Variants in ERC1 observed in about 807,000 individuals in gnomAD.
ERC1 encodes RAB6 interacting protein 2.
In ERC1, 56 loss-of-function variants were observed where a neutral mutation model predicts 132.0. The ratio of observed to expected loss-of-function variants is 0.42; its 90% CI spans 0.34 to 0.53. The LOEUF (loss-of-function observed/expected upper bound fraction) is 0.53. Ranked by LOEUF, ERC1 falls within the 20% of genes least tolerant of loss-of-function variation. The probability of loss-of-function intolerance (pLI) is 0.03; values close to 1 mark genes in which losing one functional copy is unlikely to be tolerated. For synonymous variants in ERC1, 478 were observed against 476.1 expected, an observed-to-expected ratio of 1.00 and a Z score of -0.05; for missense variants, 1,202 against 1,349.9, an observed-to-expected ratio of 0.89 and a Z score of 1.72.
intron 12 of ERC1, among the ~76,000 whole-genome samples, chr12:1,196,976 A>ATT (rs1172269593): frequency 0.011 from 787 of 73,236 alleles, 99 homozygotes; most frequent in Middle Eastern, 0.014. Context: ...ATATATATAT[A>ATT]TTTTTTTTTT....
intron 8 of ERC1, among the ~76,000 whole-genome samples, chr12:1,165,959 C>T (rs1209554139): frequency 6.6e-6 from 1 of 152,156 alleles, no homozygotes; most frequent in East Asian, 1.9e-4. Flanking sequence ...ACCCCTCATC[C>T]TCTGACAACC....
At chr12:1,353,428 G>A (rs1348217714) in intron 15 of ERC1, among the ~76,000 whole-genome samples, 1 of 152,164 alleles carries the variant, frequency 6.6e-6, no homozygotes, top group East Asian at 1.9e-4. Flanking sequence ...GAGCTTAAAG[G>A]AATAGAACTA....
chr12:1,415,950 G>C (rs2092099292), intron 17 of ERC1, among the ~76,000 whole-genome samples: 1 of 152,080 alleles, frequency 6.6e-6, no homozygotes, highest in African/African-American at 2.4e-5. Context: ...TCTCATACAG[G>C]GCTCATAGAC....
intron 3 of ERC1, among the ~76,000 whole-genome samples, chr12:1,100,365 G>A (rs1944528395): frequency 6.6e-6 from 1 of 152,192 alleles, no homozygotes; most frequent in Admixed American, 6.5e-5. Context: ...TTCTAGGTCA[G>A]CATAAGGACT....
intron 2 of ERC1, among the ~76,000 whole-genome samples, chr12:1,067,773 A>C (rs529046890): frequency 1.3e-5 from 2 of 152,320 alleles, no homozygotes; most frequent in South Asian, 4.2e-4. Flanking sequence ...GAAAAGGTAC[A>C]TATGAATCAG....
rs575729784 is a variant in ERC1 at position 1,371,773 on chromosome 12, A to G, written c.2781-60A>G. On this transcript the variant is annotated intron_variant, in intron 15 of 18. Transcript: ENST00000360905. ...TCAAAATGGGGGTACTGGTAATAGT[A>G]ACTCCAAAGAATTGTTGGAAGGGGT... The G allele has an allele frequency of 7.7e-5, 121 of 1,561,340 alleles. No homozygotes were observed. In the South Asian group the frequency reaches 1.4e-3, roughly 18 times the overall value.
chr12:1,405,398 G>A (rs1373656508), intron 16 of ERC1, among the ~76,000 whole-genome samples: 2 of 151,664 alleles, frequency 1.3e-5, no homozygotes, highest in Admixed American at 1.3e-4. Flanking sequence ...AACAGTATGG[G>A]ACTCACTAAA....
At chr12:1,249,889 C>T (rs955692618) in intron 13 of ERC1, among the ~76,000 whole-genome samples, 3 of 152,230 alleles carry the variant, frequency 2.0e-5, no homozygotes, top group African/African-American at 7.2e-5. Context: ...AGGCAGCTCT[C>T]TGCAGCCTCT....
At position 1,338,457 on chromosome 12, in the gene ERC1, G is replaced by A. The variant is rs1053691588; in HGVS notation, c.2781-33376G>A. On this transcript the variant is annotated intron_variant, in intron 15 of 18. Transcript: ENST00000360905. ...CTATATTGTTGTACTGTGATTCTTCGCTTCCTTGATTTTGTTTCAGCATAC... is the reference window on the plus strand; with the variant it reads ...CTATATTGTTGTACTGTGATTCTTCACTTCCTTGATTTTGTTTCAGCATAC... 3.9e-5 allele frequency among the ~76,000 whole-genome samples: 6 copies of A among 151,998 alleles called. 1 individual carries two copies. In the South Asian group the frequency reaches 6.2e-4, roughly 16 times the overall value.
chr12:1,030,973 TTC>T (rs1967920176), intron 2 of ERC1, among the ~76,000 whole-genome samples: 1 of 152,182 alleles, frequency 6.6e-6, no homozygotes, highest in Non-Finnish European at 1.5e-5. Flanking sequence ...GAAATCGCCT[TTC>T]TCAGAACATA....
rs56172045 is a variant in ERC1 at position 1,006,271 on chromosome 12, T to G, written c.-157+14949T>G. Reference sequence around the variant, plus strand: ...TGCACCTGGCCAGTATTATTACTATTTTTTGAGACAGATTTTTCTCGCTCA... The same window carrying G: ...TGCACCTGGCCAGTATTATTACTATGTTTTGAGACAGATTTTTCTCGCTCA... On this transcript the variant is annotated intron_variant, in intron 1 of 18. Transcript: ENST00000360905. Among the ~76,000 whole-genome samples, 1,442 of 152,220 alleles carry G rather than the reference T, an allele frequency of 9.5e-3. 24 individuals are homozygous for G. Among genetic ancestry groups the G allele is most frequent in the African/African-American group, 0.032 (1,317 of 41,542 alleles).
intron 15 of ERC1, among the ~76,000 whole-genome samples, chr12:1,327,344 A>T (rs1037548705): frequency 1.3e-5 from 2 of 152,206 alleles, no homozygotes; most frequent in Non-Finnish European, 2.9e-5. Context: ...CAAAATATAC[A>T]TATATTTACA....
chr12:1,463,486 C>T (rs1220578662), intron 18 of ERC1, among the ~76,000 whole-genome samples: 1 of 152,138 alleles, frequency 6.6e-6, no homozygotes, highest in African/African-American at 2.4e-5. Context: ...TGTTTCTGAT[C>T]TGGTTTTCTT....
intron 12 of ERC1, among the ~76,000 whole-genome samples, chr12:1,194,459 G>A (rs979863165): frequency 6.6e-6 from 1 of 151,966 alleles, no homozygotes; most frequent in Non-Finnish European, 1.5e-5. Context: ...ATTAAATAAA[G>A]TACTTAGAAG....
At chr12:1,200,219 GGAT>G (rs1453580526) in intron 12 of ERC1, among the ~76,000 whole-genome samples, 1 of 152,042 alleles carries the variant, frequency 6.6e-6, no homozygotes, top group African/African-American at 2.4e-5. Context: ...CTAGTTTATA[GGAT>G]GATATTACCA....
chr12:1,485,989 A>G (rs920022790), intron 18 of ERC1, among the ~76,000 whole-genome samples: 1 of 152,210 alleles, frequency 6.6e-6, no homozygotes, highest in Non-Finnish European at 1.5e-5. Flanking sequence ...TACAACCATA[A>G]ATGGGCCTAG....
intron 7 of ERC1, among the ~76,000 whole-genome samples, chr12:1,130,632 C>T (rs200096630): frequency 2.0e-5 from 3 of 147,178 alleles, no homozygotes; most frequent in South Asian, 2.1e-4. Context: ...AACGTATAGT[C>T]TTTTTTTTTT....
chr12:1,438,954 A>AAAAAAATAT (rs1015181197), intron 17 of ERC1, among the ~76,000 whole-genome samples: 14 of 143,488 alleles, frequency 9.8e-5, no homozygotes, highest in African/African-American at 3.4e-4. Flanking sequence ...TTTAAAAAAA[A>AAAAAAATAT]ATATATATAT....
rs56125156 is a variant in ERC1 at position 1,153,007 on chromosome 12, A to G, written c.1737+11220A>G. On this transcript the variant is annotated intron_variant, in intron 8 of 18. Transcript: ENST00000360905. ...TCCGGTATTTTTGTAGTATCGAGGGATCCGTTGGAGGCCTCCTGGAGGATG... is the reference window on the plus strand; with the variant it reads ...TCCGGTATTTTTGTAGTATCGAGGGGTCCGTTGGAGGCCTCCTGGAGGATG... 8.6e-3 allele frequency: 1,312 copies of G among 152,400 alleles called. 12 individuals are homozygous for G. Among genetic ancestry groups the G allele is most frequent in the Non-Finnish European group, 0.011 (737 of 68,104 alleles). The allele number at this position is 152,400 out of a possible 1,614,324, so 9.4% of individuals were successfully genotyped here.
Sources: allele counts gnomAD v4.1 joint callset (sites outside exome capture counted in the v4.1 genomes callset), GRCh38; gene constraint gnomAD v4.1.1; transcripts MANE v1.5; gene names NCBI Gene and HGNC (gene_info 2026-07-23, HGNC 2026-07-21).